Variants in LOXL2 observed in about 807,000 individuals in gnomAD.
LOXL2 encodes lysyl oxidase like 2, also known as lysyl oxidase homolog 2.
A neutral mutation model predicts 93.0 loss-of-function variants in LOXL2; 70 were observed. That is an observed-to-expected ratio of 0.75 (90% confidence interval 0.62 to 0.92). LOXL2 has a LOEUF of 0.92. Among genes scored for constraint, LOXL2 ranks in the 40% least tolerant of loss-of-function variants. LOXL2 has a pLI of 0.00. For missense variants in LOXL2, 973 were observed against 1,054.9 expected (o/e 0.92, Z 1.08); for synonymous variants, 438 against 413.2 (o/e 1.06, Z -0.73).
chr8:23,333,141 C>T (rs563882657), intron 5 of LOXL2, among the ~76,000 whole-genome samples: 22 of 152,184 alleles, frequency 1.4e-4, no homozygotes, highest in Admixed American at 2.0e-4. Flanking sequence ...AGGTCCCTGT[C>T]GCACAACCCT....
At chr8:23,379,130 ATGTT>A (rs1409982963) in intron 1 of LOXL2, among the ~76,000 whole-genome samples, 1 of 151,954 alleles carries the variant, frequency 6.6e-6, no homozygotes, top group Admixed American at 6.6e-5. Flanking sequence ...GTTGACTTTT[ATGTT>A]TGTTAGTTTT....
rs1052921138 is a variant in LOXL2 at position 23,388,621 on chromosome 8, ACT to A, written c.-84+15331_-84+15332del. On this transcript the variant is annotated intron_variant, in intron 1 of 13. Coordinates refer to ENST00000389131, the MANE Select transcript of LOXL2 (RefSeq NM_002318.3). ...AACAAAAACAAAAAGCAAAAAATAT[ACT>A]CACACACACACACACACACACACAC... Among the ~76,000 whole-genome samples the A allele has an allele frequency of 8.6e-4, 54 of 63,050 alleles. No individual in the cohort carries two copies. In the South Asian group the frequency reaches 0.01, roughly 12 times the overall value. 41.4% of individuals were successfully genotyped at this position (63,050 alleles called of 152,430 possible).
intron 9 of LOXL2, among the ~76,000 whole-genome samples, chr8:23,312,098 A>G (rs543874937): frequency 1.6e-4 from 25 of 152,338 alleles, no homozygotes; most frequent in African/African-American, 5.5e-4. Context: ...GACTAAACCA[A>G]GAAGAAGCTG....
At chr8:23,374,587 C>T (rs965494040) in intron 1 of LOXL2, among the ~76,000 whole-genome samples, 13 of 152,128 alleles carry the variant, frequency 8.5e-5, no homozygotes, top group Admixed American at 3.3e-4. Flanking sequence ...GTGTTCCTAT[C>T]TCTCCACATC....
rs3736020 is a variant in LOXL2, at chr8:23,360,210, T to C, written c.411A>G (p.Ala137=). 1 of 1,614,052 alleles carries C rather than the reference T, an allele frequency of 6.2e-7. No individual in the cohort carries two copies. Among genetic ancestry groups the C allele is most frequent in the Middle Eastern group, 1.7e-4 (1 of 6,060 alleles). ...HCTGNEATLA[A]CTSNGWGVTD... is the part of the protein sequence containing the mutation. The stretch of plus-strand genomic sequence containing the variant: ...TGACGCCCCAGCCATTGGAGGTGCA[T>C]GCTGCAAGGGTCGCCTCGTTGCCAG... The change falls in exon 3 of 14, where the codon GCA becomes GCG. Residue 137 remains alanine (A), a synonymous_variant. Transcript: ENST00000389131.
At chr8:23,329,862 C>G (rs1803643265) in intron 5 of LOXL2, among the ~76,000 whole-genome samples, 1 of 152,202 alleles carries the variant, frequency 6.6e-6, no homozygotes. Context: ...CATACAAGAA[C>G]CTGCCTCTCT....
rs557652922 is a variant in LOXL2, at chr8:23,380,636, G to A, written c.-83-12202C>T. Reference sequence around the variant, plus strand: ...TCTTCTTTTAAAAATTACTCTTAAAGTTTTTTTTTGTTGTTGTTGTTCTTT... The same window carrying A: ...TCTTCTTTTAAAAATTACTCTTAAAATTTTTTTTTGTTGTTGTTGTTCTTT... On this transcript the variant is annotated intron_variant, in intron 1 of 13. Coordinates refer to ENST00000389131, the MANE Select transcript of LOXL2 (RefSeq NM_002318.3). 1.2e-4 allele frequency among the ~76,000 whole-genome samples: 18 copies of A among 151,398 alleles called. No homozygotes were observed. In the East Asian group the frequency reaches 2.7e-3, roughly 23 times the overall value.
At chr8:23,349,000 C>T (rs1478893764) in intron 3 of LOXL2, among the ~76,000 whole-genome samples, 1 of 133,522 alleles carries the variant, frequency 7.5e-6, no homozygotes, top group Non-Finnish European at 1.5e-5. Flanking sequence ...AAGATGCCCT[C>T]AACTCTTCCT....
intron 4 of LOXL2, among the ~76,000 whole-genome samples, chr8:23,339,094 C>T (rs1429211152): frequency 6.6e-6 from 1 of 152,188 alleles, no homozygotes; most frequent in Non-Finnish European, 1.5e-5. Flanking sequence ...GACAGCCCAC[C>T]GAGGCACAGA....
chr8:23,360,670 C>G (rs1804274524), intron 2 of LOXL2, among the ~76,000 whole-genome samples: 1 of 152,134 alleles, frequency 6.6e-6, no homozygotes, highest in South Asian at 2.1e-4. Context: ...AGCTGCACAG[C>G]TGTGTGCAGA....
intron 4 of LOXL2, among the ~76,000 whole-genome samples, chr8:23,333,967 G>A (rs907247827): frequency 2.0e-5 from 3 of 152,166 alleles, no homozygotes; most frequent in Non-Finnish European, 4.4e-5. Context: ...TGAGATCCCT[G>A]GTCCTAGAAA....
At chr8:23,397,199 C>T (rs1466472987) in intron 1 of LOXL2, among the ~76,000 whole-genome samples, 1 of 148,610 alleles carries the variant, frequency 6.7e-6, no homozygotes, top group Non-Finnish European at 1.5e-5. Context: ...AGGGATTGGT[C>T]GGAGGGGGAG....
intron 5 of LOXL2, among the ~76,000 whole-genome samples, chr8:23,332,913 C>CCCA (rs796248585): frequency 2.9e-4 from 43 of 149,202 alleles, no homozygotes; most frequent in South Asian, 6.5e-4. Context: ...TACACCCCCC[C>CCCA]CACAGAGGGG....
intron 1 of LOXL2, among the ~76,000 whole-genome samples, chr8:23,368,842 A>AGGGAGCTGTCTCTT (rs140376850): frequency 0.12 from 18,783 of 151,656 alleles, 1,433 homozygotes; most frequent in Admixed American, 0.18. Flanking sequence ...AGACTGGCAG[A>AGGGAGCTGTCTCTT]GGGAGCTGTC....
At chr8:23,324,519 G>C (rs1803547708) in intron 6 of LOXL2, among the ~76,000 whole-genome samples, 2 of 152,158 alleles carry the variant, frequency 1.3e-5, no homozygotes, top group African/African-American at 4.8e-5. Context: ...GGTGTCTGTG[G>C]ACTTCTGGTT....
intron 10 of LOXL2, among the ~76,000 whole-genome samples, chr8:23,308,827 TGCCGCCCAGCTGAC>T (rs1309964147): frequency 6.6e-6 from 1 of 152,022 alleles, no homozygotes; most frequent in African/African-American, 2.4e-5. Context: ...TCCCAGGTGA[TGCCGCCCAGCTGAC>T]CTGACATCAT....
chr8:23,341,396 A>G, intron 3 of LOXL2, 193 bp from the exon 4 acceptor site: 1 of 607,446 alleles, frequency 1.6e-6, no homozygotes, highest in Non-Finnish European at 3.0e-6. Flanking sequence ...AGCGCTATGC[A>G]TGGGAGATAG....
In LOXL2 at chr8:23,383,805, C is replaced by T. The variant is rs370365157; in HGVS notation, c.-83-15371G>A. Among the ~76,000 whole-genome samples the T allele has an allele frequency of 8.2e-4, 125 of 151,686 alleles. 1 individual carries two copies. In the East Asian group the frequency reaches 0.011, roughly 13 times the overall value. On this transcript the variant is annotated intron_variant, in intron 1 of 13. Coordinates refer to ENST00000389131, the MANE Select transcript of LOXL2 (RefSeq NM_002318.3). ...CCTCCCGAGTAGCTGGGACTACAGGCGCCCGCCACCACGCCCGGCTAATTT... is the reference window on the plus strand; with the variant it reads ...CCTCCCGAGTAGCTGGGACTACAGGTGCCCGCCACCACGCCCGGCTAATTT...
At chr8:23,352,823 G>C (rs1804116112) in intron 3 of LOXL2, among the ~76,000 whole-genome samples, 1 of 151,774 alleles carries the variant, frequency 6.6e-6, no homozygotes, top group Admixed American at 6.6e-5. Context: ...TCCCTCTGTT[G>C]GCCCCTCAAG....
Sources: allele counts gnomAD v4.1 joint callset (sites outside exome capture counted in the v4.1 genomes callset), GRCh38; gene constraint gnomAD v4.1.1; transcripts MANE v1.5; gene names NCBI Gene and HGNC (gene_info 2026-07-23, HGNC 2026-07-21).